The following MTHFS variants were observed in gnomAD, a reference collection of about 807,000 sequenced individuals.
The protein encoded by MTHFS is 5-formyltetrahydrofolate cyclo-ligase.
MTHFS carries 7 observed loss-of-function variants against 12.7 expected under a neutral mutation model. The ratio of observed to expected loss-of-function variants is 0.55; its 90% CI spans 0.31 to 1.03. The LOEUF (loss-of-function observed/expected upper bound fraction) is 1.03, where lower values mean the gene tolerates loss of function less well. Among genes scored for constraint, MTHFS ranks in the 50% least tolerant of loss-of-function variants. The pLI is 0.05. For synonymous variants in MTHFS, 100 were observed against 97.1 expected, an observed-to-expected ratio of 1.03 and a Z score of -0.18; for missense variants, 252 against 258.1, an observed-to-expected ratio of 0.98 and a Z score of 0.16.
rs563071529 is a variant in MTHFS at position 79,871,893 on chromosome 15, G to A, written c.379+17200C>T. On this transcript the variant is annotated intron_variant, in intron 2 of 2. Coordinates refer to ENST00000258874, the MANE Select transcript of MTHFS (RefSeq NM_006441.4). The stretch of plus-strand genomic sequence containing the variant: ...AGGCCGAGGCATGGATCACGAGGTC[G>A]GGAGATTGAAACCATCCTGGCCAAC... Among the ~76,000 whole-genome samples the A allele has an allele frequency of 4.0e-5, 6 of 151,730 alleles. No homozygotes were observed. The East Asian group carries it at 5.8e-4, about 15-fold the overall frequency.
intron 2 of MTHFS, among the ~76,000 whole-genome samples, chr15:79,861,987 C>A (rs955434950): frequency 2.0e-5 from 3 of 152,066 alleles, no homozygotes; most frequent in Admixed American, 6.5e-5. Context: ...CCCTTCTAAA[C>A]CATTTAAATT....
intron 2 of MTHFS, 145 bp downstream of exon 2, chr15:79,888,948 G>T: frequency 7.9e-7 from 1 of 1,270,034 alleles, no homozygotes; most frequent in Non-Finnish European, 1.1e-6. Flanking sequence ...CCTAAACCAG[G>T]TAATACAGGT....
At chr15:79,879,682 T>C (rs1347975426) in intron 2 of MTHFS, among the ~76,000 whole-genome samples, 5 of 152,184 alleles carry the variant, frequency 3.3e-5, no homozygotes, top group Non-Finnish European at 7.3e-5. Context: ...AATAGATGCA[T>C]GCCTTCTTGA....
At chr15:79,867,173 C>A (rs554962732) in intron 2 of MTHFS, among the ~76,000 whole-genome samples, 3 of 152,096 alleles carry the variant, frequency 2.0e-5, no homozygotes, top group Non-Finnish European at 4.4e-5. Context: ...CCTATCCAAA[C>A]TGGTTCAGGT....
intron 2 of MTHFS, among the ~76,000 whole-genome samples, chr15:79,884,372 C>G (rs2034347452): frequency 6.6e-6 from 1 of 152,172 alleles, no homozygotes; most frequent in South Asian, 2.1e-4. Flanking sequence ...CATCCAATGT[C>G]CCTTCTTTTG....
At chr15:79,864,920 G>A (rs944484493) in intron 2 of MTHFS, among the ~76,000 whole-genome samples, 1 of 151,802 alleles carries the variant, frequency 6.6e-6, no homozygotes, top group African/African-American at 2.4e-5. Flanking sequence ...GCTGGCATTT[G>A]CAGTTTTTTA....
intron 2 of MTHFS, among the ~76,000 whole-genome samples, chr15:79,861,426 T>G (rs1355134086): frequency 6.6e-6 from 1 of 152,206 alleles, no homozygotes; most frequent in African/African-American, 2.4e-5. Flanking sequence ...TGGTAGTCAT[T>G]AATGCACGTT....
intron 1 of MTHFS, among the ~76,000 whole-genome samples, chr15:79,895,211 G>GCTAAA (rs1448279999): frequency 1.3e-5 from 2 of 152,172 alleles, no homozygotes. Context: ...CAAAGCCCAT[G>GCTAAA]CTAAACTGTA....
chr15:79,881,854 C>G (rs2034302089), intron 2 of MTHFS, among the ~76,000 whole-genome samples: 1 of 152,180 alleles, frequency 6.6e-6, no homozygotes, highest in Non-Finnish European at 1.5e-5. Context: ...TCATTAACTG[C>G]CTGTGTGTCC....
At chr15:79,863,924 G>C (rs1328918009) in intron 2 of MTHFS, among the ~76,000 whole-genome samples, 1 of 152,206 alleles carries the variant, frequency 6.6e-6, no homozygotes, top group Non-Finnish European at 1.5e-5. Flanking sequence ...AGCCGAATCT[G>C]ATTCTAACTG....
rs114954513 is a variant in MTHFS at position 79,863,943 on chromosome 15, A to G, written c.380-18501T>C. Among the ~76,000 whole-genome samples, 519 of 152,320 alleles carry G rather than the reference A, an allele frequency of 3.4e-3. 2 individuals carry two copies. Among genetic ancestry groups the G allele is most frequent in the African/African-American group, 0.012 (502 of 41,564 alleles). On this transcript the variant is annotated intron_variant, in intron 2 of 2. Coordinates refer to ENST00000258874, the MANE Select transcript of MTHFS (RefSeq NM_006441.4). ...GAATCTGATTCTAACTGATAACCTG[A>G]GCATGCCCTCCTTTTACTCGCCTCC...
intron 2 of MTHFS, among the ~76,000 whole-genome samples, chr15:79,858,887 T>C (rs374280114): frequency 2.8e-4 from 42 of 152,294 alleles, no homozygotes; most frequent in Middle Eastern, 3.4e-3. Flanking sequence ...CATTTGGAAA[T>C]TTGGGCCTAT....
intron 1 of MTHFS, 162 bp downstream of exon 1, chr15:79,896,710 T>G: frequency 7.9e-7 from 1 of 1,260,734 alleles, no homozygotes; most frequent in Non-Finnish European, 1.0e-6. Context: ...AGACCACGAC[T>G]AGGGGGCGTG....
At chr15:79,867,714 T>C (rs1299391521) in intron 2 of MTHFS, among the ~76,000 whole-genome samples, 37 of 152,154 alleles carry the variant, frequency 2.4e-4, no homozygotes, top group Non-Finnish European at 1.0e-4. Context: ...AAATTTCTAA[T>C]TAATGTACTA....
intron 1 of MTHFS, among the ~76,000 whole-genome samples, chr15:79,895,531 T>C (rs1353397616): frequency 5.9e-5 from 9 of 152,246 alleles, no homozygotes; most frequent in African/African-American, 1.7e-4. Context: ...ACATAGGTGT[T>C]CAACATATGT....
chr15:79,881,154 G>A (rs1174986484), intron 2 of MTHFS, among the ~76,000 whole-genome samples: 1 of 152,108 alleles, frequency 6.6e-6, no homozygotes, highest in Non-Finnish European at 1.5e-5. Context: ...TCTCAATTAA[G>A]GTGATAAAAT....
chr15:79,885,853 A>G (rs2034373576), intron 2 of MTHFS, among the ~76,000 whole-genome samples: 1 of 152,272 alleles, frequency 6.6e-6, no homozygotes, highest in Admixed American at 6.5e-5. Flanking sequence ...AGGCAGAGAT[A>G]GACTGGCTCC....
intron 2 of MTHFS, among the ~76,000 whole-genome samples, chr15:79,850,040 T>C (rs2033686749): frequency 6.6e-6 from 1 of 152,258 alleles, no homozygotes; most frequent in South Asian, 2.1e-4. Flanking sequence ...TGTGTGATCA[T>C]AGGAAAGCTA....
chr15:79,867,026 A>G (rs2034024270), intron 2 of MTHFS, among the ~76,000 whole-genome samples: 1 of 152,062 alleles, frequency 6.6e-6, no homozygotes, highest in South Asian at 2.1e-4. Flanking sequence ...CCAAAAAAGC[A>G]AATCTGCAAA....
Sources: allele counts gnomAD v4.1 joint callset (sites outside exome capture counted in the v4.1 genomes callset), GRCh38; gene constraint gnomAD v4.1.1; transcripts MANE v1.5; gene names NCBI Gene and HGNC (gene_info 2026-07-23, HGNC 2026-07-21).